MYLK: variants seen among roughly 807,000 people sequenced by gnomAD.
MYLK encodes the protein myosin light chain kinase, smooth muscle.
In MYLK, 106 loss-of-function variants were observed where a neutral mutation model predicts 203.4. That is an observed-to-expected ratio of 0.52 (90% CI 0.45 to 0.61). The LOEUF (loss-of-function observed/expected upper bound fraction) is 0.61. Ranked by LOEUF, MYLK falls within the 20% of genes least tolerant of loss-of-function variation. MYLK has a pLI of 0.00. For missense variants in MYLK, 2,072 were observed against 2,442.3 expected (o/e 0.85, Z 3.20); for synonymous variants, 867 against 959.5 (o/e 0.90, Z 1.78).
intron 23 of MYLK, among the ~76,000 whole-genome samples, chr3:123,662,281 C>T (rs890054142): frequency 3.9e-5 from 6 of 152,158 alleles, no homozygotes; most frequent in African/African-American, 4.8e-5. Flanking sequence ...TCCCACTTAG[C>T]CTCTGATGCA....
chr3:123,810,338 T>G (rs1272376644), intron 3 of MYLK, among the ~76,000 whole-genome samples: 3 of 152,134 alleles, frequency 2.0e-5, no homozygotes, highest in Admixed American at 1.3e-4. Flanking sequence ...CCAATCAAGG[T>G]GGCCACTCTC....
intron 3 of MYLK, among the ~76,000 whole-genome samples, chr3:123,802,801 G>A (rs925229492): frequency 6.6e-6 from 1 of 152,152 alleles, no homozygotes; most frequent in Non-Finnish European, 1.5e-5. Context: ...CCAGAGCCCT[G>A]CTTATAACTA....
chr3:123,845,900 A>G (rs920749139), intron 2 of MYLK, among the ~76,000 whole-genome samples: 1 of 152,238 alleles, frequency 6.6e-6, no homozygotes, highest in African/African-American at 2.4e-5. Flanking sequence ...ATATTCTTAG[A>G]AAAATTTCAG....
intron 27 of MYLK, among the ~76,000 whole-genome samples, chr3:123,643,717 T>C (rs188321751): frequency 6.6e-6 from 1 of 152,346 alleles, no homozygotes; most frequent in African/African-American, 2.4e-5. Flanking sequence ...GTGATCCCTA[T>C]CCTAAGGAAT....
intron 31 of MYLK, 80 bp downstream of exon 31, chr3:123,626,738 G>C (rs1559981325): frequency 5.6e-6 from 9 of 1,605,550 alleles, no homozygotes; most frequent in Non-Finnish European, 5.1e-6. Flanking sequence ...TGTGAGGCCA[G>C]GGCAAGCTGG....
chr3:123,798,132 CA>C (rs1259751938), intron 3 of MYLK, among the ~76,000 whole-genome samples: 1 of 152,224 alleles, frequency 6.6e-6, no homozygotes, highest in Admixed American at 6.5e-5. Context: ...GCACCCATCT[CA>C]ATCAGAAAGA....
At chr3:123,840,534 T>C (rs2066566929) in intron 2 of MYLK, among the ~76,000 whole-genome samples, 1 of 150,780 alleles carries the variant, frequency 6.6e-6, no homozygotes, top group Non-Finnish European at 1.5e-5. Context: ...CAAGAAGAAA[T>C]AGAGAACCTC....
intron 19 of MYLK, among the ~76,000 whole-genome samples, chr3:123,687,501 A>G (rs2060496216): frequency 6.6e-6 from 1 of 152,104 alleles, no homozygotes; most frequent in East Asian, 1.9e-4. Flanking sequence ...CAAGGTCACC[A>G]ATGACCTCAA....
intron 3 of MYLK, among the ~76,000 whole-genome samples, chr3:123,809,317 G>A (rs2065475212): frequency 6.6e-6 from 1 of 152,162 alleles, no homozygotes; most frequent in Non-Finnish European, 1.5e-5. Context: ...TTGAGGTCAG[G>A]AGTTCGAGAC....
At chr3:123,841,748 T>C (rs1356314627) in intron 2 of MYLK, among the ~76,000 whole-genome samples, 1 of 152,192 alleles carries the variant, frequency 6.6e-6, no homozygotes, top group Non-Finnish European at 1.5e-5. Context: ...TCCAGTTCTT[T>C]TATACACCAC....
rs1466031276 is a variant in MYLK at position 123,642,483 on chromosome 3, C to T, written c.4620-1979G>A. ...CACAGCCTCTGCCACGTGACACACA[C>T]ACTCACTTCTGGAAGGGCTGAACTG... On this transcript the variant is annotated intron_variant, in intron 27 of 33. Coordinates refer to ENST00000360304, the MANE Select transcript of MYLK (RefSeq NM_053025.4). This position sits in a 1 kb window ranked among gnomAD's most constrained non-coding sequence, Gnocchi z 4.2. Among the ~76,000 whole-genome samples the T allele has an allele frequency of 6.6e-6, 1 of 152,194 alleles. No individual in the cohort carries two copies. Among genetic ancestry groups the T allele is most frequent in the African/African-American group, 2.4e-5 (1 of 41,450 alleles).
In MYLK at chr3:123,614,119, C is replaced by T. The variant is rs1206293380; in HGVS notation, c.5731G>A (p.Glu1911Lys). ...TMEEGEGEGE[E>K]EEE ...CTGGCTTTGTTTCACTCTTCTTCCT[C>T]TTCCCCTTCCCCTTCACCTTCCTCC... The change falls in exon 34 of 34, where the codon GAG becomes AAG. Residue 1911 changes from glutamate to lysine, a missense_variant. Around this residue, in one of 3 missense-constraint regions of MYLK, gnomAD observed 524 missense variants for 782.4 expected, o/e 0.67. Coordinates refer to ENST00000360304, the MANE Select transcript of MYLK (RefSeq NM_053025.4). 3 of 1,612,274 alleles carry T rather than the reference C, an allele frequency of 1.9e-6. No individual in the cohort carries two copies. Among genetic ancestry groups the T allele is most frequent in the African/African-American group, 2.7e-5 (2 of 74,488 alleles).
chr3:123,667,051 T>C (rs2059759865), intron 21 of MYLK, 86 bp downstream of exon 21: 1 of 1,222,432 alleles, frequency 8.2e-7, no homozygotes, highest in African/African-American at 1.5e-5. Context: ...TGGGATCACA[T>C]ACCCAGGTGT....
At chr3:123,751,003 G>A (rs1225537917) in intron 5 of MYLK, among the ~76,000 whole-genome samples, 2 of 152,198 alleles carry the variant, frequency 1.3e-5, no homozygotes, top group African/African-American at 2.4e-5. Flanking sequence ...GGCAAAGGGC[G>A]GCCATTGGCC....
intron 24 of MYLK, among the ~76,000 whole-genome samples, chr3:123,651,077 T>G (rs942337065): frequency 1.3e-5 from 2 of 152,136 alleles, no homozygotes; most frequent in Non-Finnish European, 1.5e-5. Context: ...GCAAGACCAC[T>G]GAAGGGAAGG....
At chr3:123,834,270 T>A (rs979695773) in intron 2 of MYLK, among the ~76,000 whole-genome samples, 19 of 152,324 alleles carry the variant, frequency 1.2e-4, no homozygotes, top group Admixed American at 1.2e-3. Flanking sequence ...GGTCTTGAAC[T>A]CCTGACCTCA....
chr3:123,712,165 G>A (rs1355033654), intron 13 of MYLK, among the ~76,000 whole-genome samples: 2 of 152,240 alleles, frequency 1.3e-5, no homozygotes, highest in African/African-American at 2.4e-5. Context: ...TCGATGGAGG[G>A]CCGCCAGGGG....
At chr3:123,760,255 C>T (rs548379626) in intron 4 of MYLK, among the ~76,000 whole-genome samples, 13 of 152,202 alleles carry the variant, frequency 8.5e-5, no homozygotes, top group African/African-American at 2.4e-4. Flanking sequence ...CTTGGCTCAC[C>T]GCAACCTCCG....
intron 3 of MYLK, among the ~76,000 whole-genome samples, chr3:123,809,987 A>G (rs569381472): frequency 6.6e-6 from 1 of 151,886 alleles, no homozygotes; most frequent in Non-Finnish European, 1.5e-5. Flanking sequence ...AGAAGATGGG[A>G]CTCTCCTGAC....
Sources: gnomAD v4.1 joint callset for allele counts (sites outside exome capture counted in the v4.1 genomes callset) on GRCh38, gnomAD v4.1.1 for gene constraint, gnomAD v4.1.1 regional missense constraint, Gnocchi (gnomAD v3.1) non-coding constraint, MANE v1.5 for transcripts, NCBI Gene and HGNC (gene_info 2026-07-23, HGNC 2026-07-21) for gene names.